The following MEF2C variants were observed in gnomAD, a reference collection of about 807,000 sequenced individuals.
The protein encoded by MEF2C is myocyte-specific enhancer factor 2C.
A neutral mutation model predicts 50.5 loss-of-function variants in MEF2C; 6 were observed. The ratio of observed to expected loss-of-function variants is 0.12; its 90% CI spans 0.07 to 0.23. The LOEUF (loss-of-function observed/expected upper bound fraction) is 0.23. MEF2C is among the 10% of genes least tolerant of loss of function. MEF2C has a pLI of 1.00. For missense variants in MEF2C, 276 were observed against 605.0 expected, an observed-to-expected ratio of 0.46 and a Z score of 5.70; for synonymous variants, 183 against 228.0, an observed-to-expected ratio of 0.80 and a Z score of 1.78.
intron 6 of MEF2C, chr5:88,742,160 G>A (rs116419421): frequency 1.0e-6 from 1 of 985,340 alleles, no homozygotes; most frequent in Non-Finnish European, 1.2e-6. Flanking sequence ...ATTTCCAAAA[G>A]AGGGGGTTTT....
chr5:88,734,570 T>TTTTTTTG (rs1763200313), intron 6 of MEF2C: 2 of 444,514 alleles, frequency 4.5e-6, no homozygotes, highest in Non-Finnish European at 5.3e-6. Context: ...AGTTTGTTTT[T>TTTTTTTG]TTTTTTTTTT....
chr5:88,897,983 A>G (rs909970434), intron 1 of MEF2C, among the ~76,000 whole-genome samples: 1 of 152,276 alleles, frequency 6.6e-6, no homozygotes. Context: ...AATCTGCATT[A>G]TAACAGGCTC....
intron 1 of MEF2C, among the ~76,000 whole-genome samples, chr5:88,878,919 G>C (rs1831952797): frequency 6.6e-6 from 1 of 151,956 alleles, no homozygotes; most frequent in South Asian, 2.1e-4. Flanking sequence ...TGAATATAAA[G>C]AGTGAATATA....
At chr5:88,804,862 C>G (rs1562135356) in intron 2 of MEF2C, 61 bp from the exon 3 acceptor site, 2 of 1,403,796 alleles carry the variant, frequency 1.4e-6, no homozygotes, top group Non-Finnish European at 2.0e-6. Context: ...TGGTTTTTTT[C>G]TTTTCTTTTT....
chr5:88,901,130 A>C (rs1278410150), intron 1 of MEF2C, among the ~76,000 whole-genome samples: 1 of 152,040 alleles, frequency 6.6e-6, no homozygotes, highest in Non-Finnish European at 1.5e-5. Flanking sequence ...AAATGAGTTA[A>C]TGACAAAGGA....
intron 1 of MEF2C, among the ~76,000 whole-genome samples, chr5:88,840,048 G>A (rs1816766929): frequency 6.6e-6 from 1 of 152,036 alleles, no homozygotes; most frequent in Admixed American, 6.6e-5. Flanking sequence ...TATTAATATT[G>A]GCAAGAGTTA....
At chr5:88,836,638 G>C (rs1424306946) in intron 1 of MEF2C, among the ~76,000 whole-genome samples, 2 of 152,236 alleles carry the variant, frequency 1.3e-5, no homozygotes, top group Non-Finnish European at 2.9e-5. Flanking sequence ...CCCTGGGCCA[G>C]AGTGAGCTGA....
At chr5:88,790,022 A>T (rs1280858233) in intron 3 of MEF2C, among the ~76,000 whole-genome samples, 1 of 152,158 alleles carries the variant, frequency 6.6e-6, no homozygotes, top group Non-Finnish European at 1.5e-5. Flanking sequence ...ACACTTCCTG[A>T]ATGTCTGGAC....
chr5:88,869,298 CATATAT>C lies in MEF2C; in HGVS notation c.-143+13651_-143+13656del, dbSNP rs201507162. ...ATATACATATATATATATATATACA[CATATAT>C]ATATATATATACACATATAGCTTCA... is the stretch of plus-strand genomic sequence containing the variant. On this transcript the variant is annotated intron_variant, in intron 1 of 10. Coordinates refer to ENST00000504921, the MANE Select transcript of MEF2C (RefSeq NM_002397.5). Among the ~76,000 whole-genome samples the C allele has an allele frequency of 3.0e-5, 3 of 101,136 alleles. No homozygotes were observed. In the East Asian group the frequency reaches 7.8e-4, roughly 26 times the overall value. The allele number at this position is 101,136 out of a possible 152,430, so 66.3% of individuals were successfully genotyped here. A position where few individuals can be genotyped will look rare whatever the true frequency, so the allele number is the denominator to read the frequency against.
intron 6 of MEF2C, chr5:88,738,101 C>T (rs980490534): frequency 4.5e-5 from 44 of 985,188 alleles, no homozygotes; most frequent in Non-Finnish European, 5.3e-5. Flanking sequence ...AAAGATAAGG[C>T]AGAGTAATCT....
At chr5:88,887,505 A>G (rs1469074286), upstream of MEF2C, 1 of 152,238 alleles carries the variant, frequency 6.6e-6, no homozygotes, top group Non-Finnish European at 1.5e-5. Context: ...CACTCACCAC[A>G]TACACTTCTT....
intron 3 of MEF2C, chr5:88,785,201 G>C (rs1790230306): frequency 6.6e-6 from 1 of 151,040 alleles, no homozygotes. Context: ...ACACCCTGTT[G>C]CTATGTTTGA....
At chr5:88,899,666 A>G (rs1288000600) in intron 1 of MEF2C, among the ~76,000 whole-genome samples, 1 of 152,142 alleles carries the variant, frequency 6.6e-6, no homozygotes, top group Non-Finnish European at 1.5e-5. Context: ...TTTTCACTAA[A>G]ACCCCTTTGG....
chr5:88,856,892 G>A (rs1296543742), intron 1 of MEF2C, among the ~76,000 whole-genome samples: 1 of 152,250 alleles, frequency 6.6e-6, no homozygotes, highest in Non-Finnish European at 1.5e-5. Context: ...TGTGGTCAGA[G>A]CCCTGACATC....
chr5:88,733,021 C>A, intron 6 of MEF2C: 1 of 955,918 alleles, frequency 1.0e-6, no homozygotes, highest in Non-Finnish European at 1.2e-6. Context: ...GCTCTGAAAT[C>A]TCTTTGTGGT....
intron 4 of MEF2C, among the ~76,000 whole-genome samples, chr5:88,753,792 T>G (rs190910674): frequency 6.3e-4 from 96 of 152,330 alleles, no homozygotes; most frequent in African/African-American, 2.3e-3. Flanking sequence ...GGGAAATAAT[T>G]TTTGGATAGA....
chr5:88,849,162 A>AC (rs1820399918), intron 1 of MEF2C, among the ~76,000 whole-genome samples: 1 of 151,792 alleles, frequency 6.6e-6, no homozygotes, highest in Non-Finnish European at 1.5e-5. Context: ...AAAAAAAAAA[A>AC]AAAAAAAAAT....
At chr5:88,751,765 CA>C in intron 5 of MEF2C, 91 bp downstream of exon 5, 1 of 1,383,634 alleles carries the variant, frequency 7.2e-7, no homozygotes, top group Non-Finnish European at 1.0e-6. Flanking sequence ...AGTGGAAAAC[CA>C]GAAAACATCT....
In MEF2C at chr5:88,799,895, CACACACACACACACACACAGAG is replaced by C. The variant is rs1259048902; in HGVS notation, c.258+4681_258+4702del. Among the ~76,000 whole-genome samples the C allele has an allele frequency of 5.4e-5, 5 of 93,262 alleles. No individual in the cohort carries two copies. The South Asian group carries it at 1.6e-3, about 29-fold the overall frequency. The allele number at this position is 93,262 out of a possible 152,430, so 61.2% of individuals were successfully genotyped here. ...TCACACACACACACACACACACACA[CACACACACACACACACACAGAG>C]AGAGAGACACACATGTTCTTCCTCT... On this transcript the variant is annotated intron_variant, in intron 3 of 10. Coordinates refer to ENST00000504921, the MANE Select transcript of MEF2C (RefSeq NM_002397.5).
Sources: allele counts gnomAD v4.1 joint callset (sites outside exome capture counted in the v4.1 genomes callset), GRCh38; gene constraint gnomAD v4.1.1; transcripts MANE v1.5; gene names NCBI Gene and HGNC (gene_info 2026-07-23, HGNC 2026-07-21).